Variants in B3GALT1 observed in about 807,000 individuals in gnomAD.
The protein encoded by B3GALT1 is UDP-Gal:betaGlcNAc beta 1,3-galactosyltransferase, polypeptide 1.
A neutral mutation model predicts 23.2 loss-of-function variants in B3GALT1; 10 were observed. That is an observed-to-expected ratio of 0.43 (90% CI 0.27 to 0.73). The LOEUF is 0.73. B3GALT1 is among the 30% of genes least tolerant of loss of function. B3GALT1 has a pLI of 0.21. For missense variants in B3GALT1, 299 were observed against 405.4 expected, an observed-to-expected ratio of 0.74 and a Z score of 2.25; for synonymous variants, 156 against 141.5, an observed-to-expected ratio of 1.10 and a Z score of -0.73.
chr2:167,845,228 TC>T (rs1689731595), intron 4 of B3GALT1, among the ~76,000 whole-genome samples: 1 of 152,008 alleles, frequency 6.6e-6, no homozygotes. Flanking sequence ...CCAGTTCCTC[TC>T]CATACTACCA....
At chr2:167,454,556 G>A (rs912219478) in intron 1 of B3GALT1, among the ~76,000 whole-genome samples, 5 of 152,052 alleles carry the variant, frequency 3.3e-5, no homozygotes, top group African/African-American at 1.2e-4. Flanking sequence ...GGAGAGACGT[G>A]GTTCAGAATA....
intron 1 of B3GALT1, among the ~76,000 whole-genome samples, chr2:167,332,055 TGGG>T (rs1032514309): frequency 5.3e-5 from 8 of 152,192 alleles, no homozygotes; most frequent in African/African-American, 1.9e-4. Context: ...GCCCTAGACT[TGGG>T]GGCTTGTGAG....
chr2:167,405,900 A>G (rs1337003563), intron 1 of B3GALT1, among the ~76,000 whole-genome samples: 3 of 152,194 alleles, frequency 2.0e-5, no homozygotes, highest in Non-Finnish European at 4.4e-5. Flanking sequence ...GTTATATTCA[A>G]CAAATACTAT....
At chr2:167,316,202 G>A (rs903445279) in intron 1 of B3GALT1, among the ~76,000 whole-genome samples, 3 of 150,944 alleles carry the variant, frequency 2.0e-5, no homozygotes, top group East Asian at 3.9e-4. Flanking sequence ...CTTGGGAGGA[G>A]ATGGTAAGGA....
At chr2:167,624,865 T>G (rs1685313811) in intron 2 of B3GALT1, among the ~76,000 whole-genome samples, 2 of 152,040 alleles carry the variant, frequency 1.3e-5, no homozygotes, top group Admixed American at 6.6e-5. Context: ...AAATAAGCTA[T>G]AATTAACTAC....
Position 167,562,491 on chromosome 2 carries a change from C to G in B3GALT1, c.-410+72214C>G, listed in dbSNP as rs199910055. ...GCAGGAGAAGGAAATAAAGGGTATT[C>G]AATTAGGAAAAGAGGAAGTCAAATT... On this transcript the variant is annotated intron_variant, in intron 2 of 4. Transcript: ENST00000392690. 6.1e-3 allele frequency among the ~76,000 whole-genome samples: 926 copies of G among 152,028 alleles called. 23 individuals carry two copies. The East Asian group carries it at 0.086, about 14-fold the overall frequency.
At chr2:167,643,243 TTTACTC>T (rs1342712033) in intron 2 of B3GALT1, among the ~76,000 whole-genome samples, 2 of 152,212 alleles carry the variant, frequency 1.3e-5, no homozygotes, top group African/African-American at 2.4e-5. Flanking sequence ...AGAGCCTTCT[TTTACTC>T]TTTGTTGATG....
At chr2:167,720,506 C>G (rs191574098) in intron 3 of B3GALT1, among the ~76,000 whole-genome samples, 31 of 152,278 alleles carry the variant, frequency 2.0e-4, no homozygotes, top group Non-Finnish European at 4.1e-4. Context: ...CACGGTCACA[C>G]AACTTGCAAG....
In B3GALT1 at chr2:167,323,383, T is replaced by C. The variant is rs566869601; in HGVS notation, c.-511+30049T>C. ...ATTCTTATTTCTACATATAGGACTA[T>C]ATTTAAAGATCACCTTGAGTAGGCT... On this transcript the variant is annotated intron_variant, in intron 1 of 4. Coordinates refer to ENST00000392690, the MANE Select transcript of B3GALT1 (RefSeq NM_020981.4). 5.9e-5 allele frequency among the ~76,000 whole-genome samples: 9 copies of C among 152,248 alleles called. No individual in the cohort carries two copies. The East Asian group carries it at 1.4e-3, about 23-fold the overall frequency.
intron 3 of B3GALT1, among the ~76,000 whole-genome samples, chr2:167,740,136 A>G (rs1041639976): frequency 6.6e-6 from 1 of 151,238 alleles, no homozygotes; most frequent in Non-Finnish European, 1.5e-5. Flanking sequence ...ATAAATAAAT[A>G]AATAGAAAAG....
At chr2:167,746,710 T>C (rs1047271950) in intron 3 of B3GALT1, among the ~76,000 whole-genome samples, 2 of 152,244 alleles carry the variant, frequency 1.3e-5, no homozygotes, top group Admixed American at 1.3e-4. Context: ...TTCCATGTTA[T>C]ACACTAATTA....
At chr2:167,720,281 A>G (rs919874250) in intron 3 of B3GALT1, among the ~76,000 whole-genome samples, 5 of 152,128 alleles carry the variant, frequency 3.3e-5, no homozygotes, top group African/African-American at 1.2e-4. Context: ...CTACTAATTT[A>G]ATCACTTATT....
chr2:167,629,045 G>A (rs1213875650), intron 2 of B3GALT1, among the ~76,000 whole-genome samples: 47 of 151,636 alleles, frequency 3.1e-4, no homozygotes, highest in Admixed American at 3.1e-3. Context: ...CATAAGGGAA[G>A]TAGAAATAAC....
chr2:167,839,384 A>G (rs1689577278), intron 4 of B3GALT1, among the ~76,000 whole-genome samples: 1 of 152,366 alleles, frequency 6.6e-6, no homozygotes, highest in Admixed American at 6.5e-5. Context: ...TACACCAATA[A>G]CAGACAAACA....
chr2:167,859,011 C>T (rs1690050487), intron 4 of B3GALT1, among the ~76,000 whole-genome samples: 2 of 151,978 alleles, frequency 1.3e-5, no homozygotes, highest in East Asian at 1.9e-4. Flanking sequence ...AATAATGGGC[C>T]GAATGAATAC....
chr2:167,671,189 A>C (rs1686319916), intron 3 of B3GALT1, among the ~76,000 whole-genome samples: 1 of 152,170 alleles, frequency 6.6e-6, no homozygotes, highest in Non-Finnish European at 1.5e-5. Flanking sequence ...TGGAAGAGAG[A>C]AATAGACAGC....
chr2:167,364,341 T>TATATA (rs776950816), intron 1 of B3GALT1, among the ~76,000 whole-genome samples: 7 of 149,736 alleles, frequency 4.7e-5, no homozygotes, highest in East Asian at 2.0e-4. Flanking sequence ...TATATATAGT[T>TATATA]TTTTTTTTCA....
At chr2:167,422,340 G>C (rs368866998) in intron 1 of B3GALT1, among the ~76,000 whole-genome samples, 4 of 152,026 alleles carry the variant, frequency 2.6e-5, no homozygotes, top group Non-Finnish European at 5.9e-5. Context: ...GAATCTACTG[G>C]TACCTTGATC....
Position 167,873,790 on chromosome 2 carries a change from G to A in B3GALT1, c.*3770G>A, listed in dbSNP as rs898044581. ...CTGTAAAAGTGCACTCTCCAGGTTT[G>A]TAGTACTATTTAGGGTTACATGGGT... On this transcript the variant is annotated 3_prime_UTR_variant, in exon 5 of 5. Coordinates refer to ENST00000392690, the MANE Select transcript of B3GALT1 (RefSeq NM_020981.4). 1.3e-5 allele frequency: 2 copies of A among 152,164 alleles called. No homozygotes were observed. Among genetic ancestry groups the A allele is most frequent in the African/African-American group, 2.4e-5 (1 of 41,428 alleles). The allele number at this position is 152,164 out of a possible 1,614,324, so 9.4% of individuals were successfully genotyped here.
Sources: allele counts gnomAD v4.1 joint callset (sites outside exome capture counted in the v4.1 genomes callset), GRCh38; gene constraint gnomAD v4.1.1; transcripts MANE v1.5; gene names NCBI Gene and HGNC (gene_info 2026-07-23, HGNC 2026-07-21).